OR51B5: variants seen among roughly 807,000 people sequenced by gnomAD.
OR51B5 encodes the protein olfactory receptor 51B5.
For missense variants in OR51B5, 456 were observed against 374.6 expected (o/e 1.22, Z -1.79); for synonymous variants, 186 against 144.8 (o/e 1.28, Z -2.04).
chr11:5,465,123 G>A lies in OR51B5; in HGVS notation n.84+40446C>T, dbSNP rs531145352. On this transcript the variant is annotated intron_variant and non_coding_transcript_variant, in intron 1 of 4. Coordinates refer to the OR51B5 transcript ENST00000415970. ...TGGGAGGCTGAGGCAGGAGAATGGC[G>A]TGAACCCGGGAGGCGGAGCTTGCAG... 8.1e-3 allele frequency among the ~76,000 whole-genome samples: 1,144 copies of A among 141,938 alleles called. 15 individuals carry two copies. Among genetic ancestry groups the A allele is most frequent in the African/African-American group, 0.027 (1,051 of 38,906 alleles). 93.1% of individuals were successfully genotyped at this position (141,938 alleles called of 152,430 possible). A position where few individuals can be genotyped will look rare whatever the true frequency, so the allele number is the denominator to read the frequency against.
intron 1 of OR51B5, among the ~76,000 whole-genome samples, chr11:5,504,585 G>A (rs1187436257): frequency 6.6e-6 from 1 of 152,180 alleles, no homozygotes; most frequent in East Asian, 1.9e-4. Flanking sequence ...AGCCTGCAGG[G>A]ACCTCCTCCC....
intron 1 of OR51B5, among the ~76,000 whole-genome samples, chr11:5,465,326 G>C (rs1851123619): frequency 6.6e-6 from 1 of 150,960 alleles, no homozygotes; most frequent in Admixed American, 6.6e-5. Context: ...TCTCATTGTG[G>C]TTTTGATTTG....
chr11:5,458,219 T>A (rs1564820180), intron 1 of OR51B5, among the ~76,000 whole-genome samples: 1 of 152,224 alleles, frequency 6.6e-6, no homozygotes, highest in Non-Finnish European at 1.5e-5. Flanking sequence ...GTGTATTGAA[T>A]AAGGAGTCTT....
At chr11:5,415,416 A>C (rs1431840760) in intron 1 of OR51B5, among the ~76,000 whole-genome samples, 4 of 151,308 alleles carry the variant, frequency 2.6e-5, no homozygotes, top group Non-Finnish European at 5.9e-5. Flanking sequence ...GGCAAGAAAT[A>C]ACTAAAATCA....
intron 1 of OR51B5, among the ~76,000 whole-genome samples, chr11:5,379,228 A>C (rs925078610): frequency 6.6e-6 from 1 of 151,890 alleles, no homozygotes; most frequent in Non-Finnish European, 1.5e-5. Flanking sequence ...ACCAAACACC[A>C]CATATTCTCA....
At chr11:5,484,928 A>G (rs1001686839) in intron 1 of OR51B5, among the ~76,000 whole-genome samples, 1 of 152,206 alleles carries the variant, frequency 6.6e-6, no homozygotes, top group Non-Finnish European at 1.5e-5. Context: ...ATACAGTATC[A>G]ATATTCTTCA....
chr11:5,407,687 T>A (rs561895758), intron 1 of OR51B5, among the ~76,000 whole-genome samples: 14 of 152,156 alleles, frequency 9.2e-5, no homozygotes, highest in South Asian at 2.1e-4. Flanking sequence ...TTTTTTTTTT[T>A]TTATTATTTC....
At chr11:5,466,027 C>G (rs191945726) in intron 1 of OR51B5, among the ~76,000 whole-genome samples, 1 of 151,796 alleles carries the variant, frequency 6.6e-6, no homozygotes, top group East Asian at 1.9e-4. Flanking sequence ...AGGCAACCTA[C>G]AAAATGGGAG....
chr11:5,474,775 G>T (rs1851280630), intron 1 of OR51B5, among the ~76,000 whole-genome samples: 1 of 152,164 alleles, frequency 6.6e-6, no homozygotes, highest in Non-Finnish European at 1.5e-5. Flanking sequence ...GCTGAAGGAG[G>T]TGCTCAGGTA....
chr11:5,387,716 C>T (rs907415137), intron 1 of OR51B5, among the ~76,000 whole-genome samples: 1 of 85,572 alleles, frequency 1.2e-5, no homozygotes, highest in African/African-American at 4.1e-5. Flanking sequence ...TTCACTTGTT[C>T]TTCCTCCTTC....
chr11:5,422,068 T>G (rs535878885), intron 1 of OR51B5: 1 of 717,724 alleles, frequency 1.4e-6, no homozygotes, highest in Non-Finnish European at 2.3e-6. Context: ...TAAATCTTGC[T>G]TTAGTTACCC....
intron 1 of OR51B5, among the ~76,000 whole-genome samples, chr11:5,377,689 C>T (rs1310339475): frequency 6.6e-6 from 1 of 152,102 alleles, no homozygotes; most frequent in South Asian, 2.1e-4. Context: ...AGAGCCAAAT[C>T]ATGAGGGAAC....
chr11:5,373,538 T>C (rs1849475135), intron 1 of OR51B5, among the ~76,000 whole-genome samples: 1 of 152,086 alleles, frequency 6.6e-6, no homozygotes, highest in Admixed American at 6.5e-5. Flanking sequence ...TTGCCTCACT[T>C]GGGAAGCACA....
chr11:5,466,885 G>C (rs769047206), intron 1 of OR51B5, among the ~76,000 whole-genome samples: 18 of 152,338 alleles, frequency 1.2e-4, no homozygotes, highest in Middle Eastern at 3.4e-3. Flanking sequence ...CAGGTTTTGG[G>C]AAGCTGTATT....
intron 1 of OR51B5, among the ~76,000 whole-genome samples, chr11:5,483,513 AAAAAAG>A (rs1217144939): frequency 7.3e-6 from 1 of 136,588 alleles, no homozygotes; most frequent in Non-Finnish European, 1.6e-5. Flanking sequence ...ATAATTAAAA[AAAAAAG>A]AAAAGAAAAG....
chr11:5,415,545 AAAAAGAGAGAAG>A (rs1850229234), intron 1 of OR51B5, among the ~76,000 whole-genome samples: 2 of 152,152 alleles, frequency 1.3e-5, no homozygotes, highest in Non-Finnish European at 2.9e-5. Flanking sequence ...TAATAAAGAA[AAAAAGAGAGAAG>A]AATCAAATAG....
At chr11:5,346,373 G>A (rs1028809532), upstream of OR51B5, 4 of 152,090 alleles carry the variant, frequency 2.6e-5, no homozygotes, top group Admixed American at 2.6e-4. Flanking sequence ...AAGACAATGA[G>A]AGAAGAGATA....
intron 1 of OR51B5, chr11:5,389,878 C>A (rs368642287): frequency 6.2e-7 from 1 of 1,613,304 alleles, no homozygotes; most frequent in South Asian, 1.1e-5. Context: ...GCCTAATTGT[C>A]ATCTTCCGGG....
At chr11:5,404,572 C>T (rs915106067) in intron 1 of OR51B5, among the ~76,000 whole-genome samples, 5 of 152,108 alleles carry the variant, frequency 3.3e-5, no homozygotes, top group African/African-American at 4.8e-5. Flanking sequence ...AGGATGTGGG[C>T]GGGGCCAAAT....
Sources: gnomAD v4.1 joint callset for allele counts (sites outside exome capture counted in the v4.1 genomes callset) on GRCh38, gnomAD v4.1.1 for gene constraint, MANE v1.5 for transcripts, NCBI Gene and HGNC (gene_info 2026-07-23, HGNC 2026-07-21) for gene names.